The following CDH18 variants were observed in gnomAD, a reference collection of about 807,000 sequenced individuals.
CDH18 encodes cadherin-18.
CDH18 carries 31 observed loss-of-function variants against 67.9 expected under a neutral mutation model. The ratio of observed to expected loss-of-function variants is 0.46; its 90% CI spans 0.34 to 0.62. The LOEUF (loss-of-function observed/expected upper bound fraction) is 0.62, where lower values mean the gene tolerates loss of function less well. CDH18 is among the 20% of genes least tolerant of loss of function. The probability of loss-of-function intolerance (pLI) is 0.01; values close to 1 mark genes in which losing one functional copy is unlikely to be tolerated. For missense variants in CDH18, 890 were observed against 975.5 expected, an observed-to-expected ratio of 0.91 and a Z score of 1.17; for synonymous variants, 362 against 347.2, an observed-to-expected ratio of 1.04 and a Z score of -0.48.
chr5:20,498,507 A>G (rs1489802293), intron 1 of CDH18, among the ~76,000 whole-genome samples: 1 of 152,138 alleles, frequency 6.6e-6, no homozygotes, highest in African/African-American at 2.4e-5. Flanking sequence ...TTTATCTTCA[A>G]TAAAAAGATG....
chr5:20,212,414 A>G (rs961155209), intron 2 of CDH18, among the ~76,000 whole-genome samples: 3 of 152,140 alleles, frequency 2.0e-5, no homozygotes, highest in Non-Finnish European at 4.4e-5. Flanking sequence ...ATTCAAATTC[A>G]GGAAATACAG....
At chr5:19,530,694 T>C (rs1748458102) in intron 9 of CDH18, among the ~76,000 whole-genome samples, 1 of 152,214 alleles carries the variant, frequency 6.6e-6, no homozygotes, top group East Asian at 1.9e-4. Context: ...TTTGGCTTTT[T>C]GTCCTTGGGA....
At chr5:20,190,348 T>C (rs1035743265) in intron 2 of CDH18, among the ~76,000 whole-genome samples, 19 of 152,154 alleles carry the variant, frequency 1.2e-4, no homozygotes, top group Non-Finnish European at 1.3e-4. Flanking sequence ...TTTACACTGA[T>C]GGCCACCAAA....
In CDH18 at chr5:20,212,430, G is replaced by T. The variant is rs992306506; in HGVS notation, c.-518+43014C>A. 2.6e-5 allele frequency among the ~76,000 whole-genome samples: 4 copies of T among 151,998 alleles called. No homozygotes were observed. In the South Asian group the frequency reaches 6.2e-4, roughly 24 times the overall value. Reference sequence around the variant, plus strand: ...TTCAAATTCAGGAAATACAGAGAATGCCACAAAGATACTCCTCGAGAAGAG... The same window carrying T: ...TTCAAATTCAGGAAATACAGAGAATTCCACAAAGATACTCCTCGAGAAGAG... On this transcript the variant is annotated intron_variant, in intron 2 of 14. Transcript: ENST00000507958.
intron 2 of CDH18, among the ~76,000 whole-genome samples, chr5:19,927,697 A>G (rs1793246170): frequency 6.6e-6 from 1 of 152,190 alleles, no homozygotes; most frequent in South Asian, 2.1e-4. Flanking sequence ...GAGATTATGT[A>G]TAAAAATATT....
intron 1 of CDH18, among the ~76,000 whole-genome samples, chr5:20,448,528 T>G (rs1217538565): frequency 6.6e-6 from 1 of 152,144 alleles, no homozygotes; most frequent in African/African-American, 2.4e-5. Flanking sequence ...TGATTAAAAT[T>G]CACCCTTTCC....
chr5:20,350,612 A>C (rs1404365834), intron 1 of CDH18, among the ~76,000 whole-genome samples: 1 of 152,116 alleles, frequency 6.6e-6, no homozygotes, highest in African/African-American at 2.4e-5. Flanking sequence ...GGAATTTCTC[A>C]TGCATTGATG....
At chr5:19,718,187 T>G (rs1765573056) in intron 5 of CDH18, among the ~76,000 whole-genome samples, 1 of 151,954 alleles carries the variant, frequency 6.6e-6, no homozygotes, top group South Asian at 2.1e-4. Flanking sequence ...AAATGCATCT[T>G]TCATGGAAAC....
At chr5:19,793,239 T>C (rs1371168688) in intron 3 of CDH18, among the ~76,000 whole-genome samples, 4 of 152,190 alleles carry the variant, frequency 2.6e-5, no homozygotes, top group Non-Finnish European at 5.9e-5. Context: ...ATTTTTTTGG[T>C]AAAAATATTT....
intron 8 of CDH18, among the ~76,000 whole-genome samples, chr5:19,545,921 G>A (rs1322297077): frequency 6.6e-6 from 1 of 152,182 alleles, no homozygotes; most frequent in African/African-American, 2.4e-5. Context: ...AGAATTATAA[G>A]AGAAAAGAAA....
Position 19,471,456 on chromosome 5 carries a change from A to G in CDH18, c.*1770T>C, listed in dbSNP as rs1737644198. Among the ~76,000 whole-genome samples, 1 of 152,260 alleles carries G rather than the reference A, an allele frequency of 6.6e-6. No individual in the cohort carries two copies. Among genetic ancestry groups the G allele is most frequent in the African/African-American group, 2.4e-5 (1 of 41,564 alleles). On this transcript the variant is annotated 3_prime_UTR_variant, in exon 13 of 13. Transcript: ENST00000382275. ...AATCCAAAATTTTGCACATGGGTAG[A>G]AACAGACAGAAAATGTCATATAACT...
chr5:19,629,804 G>T (rs552166964), intron 5 of CDH18, among the ~76,000 whole-genome samples: 2 of 151,906 alleles, frequency 1.3e-5, no homozygotes, highest in Non-Finnish European at 2.9e-5. Flanking sequence ...AAATTTGAAA[G>T]ACTTTTCACA....
intron 2 of CDH18, among the ~76,000 whole-genome samples, chr5:19,874,095 A>T (rs1786662014): frequency 6.6e-6 from 1 of 152,346 alleles, no homozygotes; most frequent in Non-Finnish European, 1.5e-5. Context: ...ACACAATATT[A>T]TAAAATGTAA....
chr5:19,620,192 T>C (rs1270253668), intron 5 of CDH18, among the ~76,000 whole-genome samples: 2 of 152,168 alleles, frequency 1.3e-5, no homozygotes, highest in African/African-American at 4.8e-5. Context: ...AAATTGATGG[T>C]GAAGTAGTTT....
chr5:20,514,328 G>A (rs1229583389), intron 1 of CDH18, among the ~76,000 whole-genome samples: 1 of 152,172 alleles, frequency 6.6e-6, no homozygotes, highest in African/African-American at 2.4e-5. Context: ...TACATGGCAA[G>A]TGAGTCATAG....
At chr5:19,891,577 A>C (rs1788787478) in intron 2 of CDH18, among the ~76,000 whole-genome samples, 1 of 152,162 alleles carries the variant, frequency 6.6e-6, no homozygotes, top group African/African-American at 2.4e-5. Context: ...TTCCCACATT[A>C]TCTCCCTCAG....
At chr5:19,534,178 C>T (rs551952303) in intron 9 of CDH18, among the ~76,000 whole-genome samples, 73 of 151,946 alleles carry the variant, frequency 4.8e-4, no homozygotes, top group Non-Finnish European at 9.1e-4. Flanking sequence ...AAAATATAGG[C>T]CTGATGGTCC....
intron 1 of CDH18, among the ~76,000 whole-genome samples, chr5:20,422,596 T>G (rs1199697166): frequency 2.6e-5 from 4 of 151,142 alleles, no homozygotes; most frequent in Non-Finnish European, 5.9e-5. Flanking sequence ...AGCCAGTTTT[T>G]ACATAACAAT....
intron 1 of CDH18, among the ~76,000 whole-genome samples, chr5:20,274,642 C>CA (rs1029258188): frequency 2.0e-5 from 3 of 151,490 alleles, no homozygotes; most frequent in Admixed American, 1.3e-4. Context: ...TCTTAAAAAA[C>CA]AAAAAAAGTG....
Sources: allele counts gnomAD v4.1 joint callset (sites outside exome capture counted in the v4.1 genomes callset), GRCh38; gene constraint gnomAD v4.1.1; transcripts MANE v1.5; gene names NCBI Gene and HGNC (gene_info 2026-07-23, HGNC 2026-07-21).